Variants in GPR63 observed in about 807,000 individuals in gnomAD.
The protein encoded by GPR63 is probable G protein-coupled receptor 63.
A neutral mutation model predicts 23.1 loss-of-function variants in GPR63; 12 were observed. The ratio of observed to expected loss-of-function variants is 0.52; its 90% confidence interval spans 0.33 to 0.84. The LOEUF (loss-of-function observed/expected upper bound fraction) is 0.84. Among genes scored for constraint, GPR63 ranks in the 40% least tolerant of loss-of-function variants. The pLI is 0.02. For synonymous variants in GPR63, 172 were observed against 191.1 expected, an observed-to-expected ratio of 0.90 and a Z score of 0.82; for missense variants, 472 against 515.6, an observed-to-expected ratio of 0.92 and a Z score of 0.82.
intron 1 of GPR63, among the ~76,000 whole-genome samples, chr6:96,829,984 A>G (rs1177502489): frequency 6.6e-6 from 1 of 152,220 alleles, no homozygotes; most frequent in Non-Finnish European, 1.5e-5. Context: ...AAAACAAATT[A>G]CAGCTACAAA....
intron 1 of GPR63, among the ~76,000 whole-genome samples, chr6:96,801,919 C>G (rs1458999730): frequency 1.3e-5 from 2 of 152,160 alleles, no homozygotes; most frequent in African/African-American, 4.8e-5. Context: ...CACCATCAGC[C>G]TCTATAGAAG....
At chr6:96,804,223 C>T (rs542250886) in intron 1 of GPR63, among the ~76,000 whole-genome samples, 80 of 152,226 alleles carry the variant, frequency 5.3e-4, no homozygotes, top group Middle Eastern at 3.4e-3. Context: ...CTTAGTCTTA[C>T]CTGCCACTGG....
At chr6:96,815,706 T>C (rs1232248804) in intron 1 of GPR63, among the ~76,000 whole-genome samples, 2 of 152,216 alleles carry the variant, frequency 1.3e-5, no homozygotes, top group Non-Finnish European at 2.9e-5. Flanking sequence ...GATGTATATG[T>C]TAAATGTGTA....
rs559728985 is a variant in GPR63, at chr6:96,814,148, T to C, written c.-150-14267A>G. ...CCAACTTTATATCTAATACATACAA[T>C]ATTATATATGTATAAAACCTTAAGT... On this transcript the variant is annotated intron_variant, in intron 1 of 1. Coordinates refer to ENST00000229955, the MANE Select transcript of GPR63 (RefSeq NM_030784.4). Among the ~76,000 whole-genome samples the C allele has an allele frequency of 4.5e-4, 68 of 152,150 alleles. 1 individual carries two copies. The highest frequency in any genetic ancestry group is 7.4e-5 in the Non-Finnish European group (5 of 68,008).
In GPR63 at chr6:96,795,565, C is replaced by T. The variant is rs1773559285; in HGVS notation, c.*2907G>A. On this transcript the variant is annotated 3_prime_UTR_variant, in exon 2 of 2. Coordinates refer to ENST00000229955, the MANE Select transcript of GPR63 (RefSeq NM_030784.4). Reference sequence around the variant, plus strand: ...GTTCAGTGTTGCTGCTGAATTCTCACAAAGACCCCTTCATAATCTTTGTTC... The same window carrying T: ...GTTCAGTGTTGCTGCTGAATTCTCATAAAGACCCCTTCATAATCTTTGTTC... 6.6e-6 allele frequency: 1 copy of T among 152,198 alleles called. No homozygotes were observed. The highest frequency in any genetic ancestry group is 2.4e-5 in the African/African-American group (1 of 41,452). The allele number at this position is 152,198 out of a possible 1,614,324, so 9.4% of individuals were successfully genotyped here.
intron 1 of GPR63, among the ~76,000 whole-genome samples, chr6:96,830,184 A>G (rs1192268694): frequency 1.3e-5 from 2 of 152,178 alleles, no homozygotes; most frequent in Non-Finnish European, 2.9e-5. Flanking sequence ...TGTATTTCTT[A>G]ACTTTAGTAG....
At chr6:96,824,817 G>T (rs544281933) in intron 1 of GPR63, among the ~76,000 whole-genome samples, 8 of 152,032 alleles carry the variant, frequency 5.3e-5, no homozygotes, top group Non-Finnish European at 1.2e-4. Flanking sequence ...CACATAGTAA[G>T]ACACCTGCCA....
At chr6:96,808,504 C>A (rs1394102747) in intron 1 of GPR63, among the ~76,000 whole-genome samples, 1 of 152,200 alleles carries the variant, frequency 6.6e-6, no homozygotes, top group Non-Finnish European at 1.5e-5. Context: ...GAAAATTCTA[C>A]AATCCCAATA....
rs563079012 is a variant in GPR63, at chr6:96,798,581, T to C, written c.1151A>G (p.Asp384Gly). 1 of 1,614,196 alleles carries C rather than the reference T, an allele frequency of 6.2e-7. No individual in the cohort carries two copies. Among genetic ancestry groups the C allele is most frequent in the East Asian group, 2.2e-5 (1 of 44,880 alleles). ...RIKKFHDACL[D>G]MMPKSFKFLP... ...AAACTTGAAGGACTTAGGCATCATG[T>C]CCAGGCAAGCATCATGGAATTTCTT... The change falls in exon 2 of 2, where the codon GAC (aspartate) becomes GGC (glycine). Residue 384 changes from aspartate to glycine, a missense_variant. By Grantham distance (94) the Asp-to-Gly change is moderately conservative. Transcript: ENST00000229955.
In GPR63 at chr6:96,808,420, G is replaced by A. The variant is rs770076137; in HGVS notation, c.-150-8539C>T. Among the ~76,000 whole-genome samples, 133 of 152,142 alleles carry A rather than the reference G, an allele frequency of 8.7e-4. 1 individual carries two copies. Among genetic ancestry groups the A allele is most frequent in the Non-Finnish European group, 2.8e-4 (19 of 68,026 alleles). ...AAATACAATAAAGCTCCAAAGCAAC[G>A]AGATTAGTTTTCCCATGGGGTTGCT... On this transcript the variant is annotated intron_variant, in intron 1 of 1. Transcript: ENST00000229955.
chr6:96,829,109 A>C (rs1224914127), intron 1 of GPR63, among the ~76,000 whole-genome samples: 1 of 152,214 alleles, frequency 6.6e-6, no homozygotes, highest in African/African-American at 2.4e-5. Flanking sequence ...AAGAAGGATA[A>C]AGATTTAAAT....
intron 1 of GPR63, among the ~76,000 whole-genome samples, chr6:96,827,071 C>T (rs574880765): frequency 1.4e-5 from 2 of 138,886 alleles, no homozygotes; most frequent in Admixed American, 1.4e-4. Flanking sequence ...ACCACAAAAA[C>T]CTCAAAATAA....
At chr6:96,824,607 A>G (rs565064927) in intron 1 of GPR63, among the ~76,000 whole-genome samples, 1 of 151,522 alleles carries the variant, frequency 6.6e-6, no homozygotes, top group Non-Finnish European at 1.5e-5. Context: ...AAAAAAAAAA[A>G]GTCTTAAAAC....
rs1044610110 is a variant in GPR63, at chr6:96,794,329, T to C, written c.*4143A>G. 6.6e-6 allele frequency: 1 copy of C among 152,058 alleles called. No homozygotes were observed. Among genetic ancestry groups the C allele is most frequent in the African/African-American group, 2.4e-5 (1 of 41,430 alleles). The allele number at this position is 152,058 out of a possible 1,614,324, so 9.4% of individuals were successfully genotyped here. A position where few individuals can be genotyped will look rare whatever the true frequency, so the allele number is the denominator to read the frequency against. On this transcript the variant is annotated 3_prime_UTR_variant, in exon 2 of 2. Transcript: ENST00000229955. ...CTAGTACCAATAGATATCTAAGAAATGTATAATTTACCTCCAATAACAAAC... is the reference window on the plus strand; with the variant it reads ...CTAGTACCAATAGATATCTAAGAAACGTATAATTTACCTCCAATAACAAAC...
intron 1 of GPR63, 146 bp from the exon 2 acceptor site, chr6:96,800,027 C>G (rs1410675453): frequency 2.8e-6 from 1 of 361,682 alleles, no homozygotes. Flanking sequence ...GTAGTCAACA[C>G]TAAAATATCG....
intron 1 of GPR63, among the ~76,000 whole-genome samples, chr6:96,810,193 AATAAG>A (rs1203590590): frequency 6.6e-6 from 1 of 152,184 alleles, no homozygotes; most frequent in Admixed American, 6.5e-5. Context: ...AATACTCATC[AATAAG>A]ATAACAGTTA....
At chr6:96,835,085 T>C (rs1299294820) in intron 1 of GPR63, among the ~76,000 whole-genome samples, 2 of 152,216 alleles carry the variant, frequency 1.3e-5, no homozygotes, top group African/African-American at 2.4e-5. Context: ...GGCAGGGTAA[T>C]TCAATCCATT....
chr6:96,830,191 G>A (rs905012178), intron 1 of GPR63, among the ~76,000 whole-genome samples: 4 of 152,138 alleles, frequency 2.6e-5, no homozygotes, highest in Admixed American at 2.6e-4. Context: ...CTTAACTTTA[G>A]TAGTAAGTCC....
intron 1 of GPR63, among the ~76,000 whole-genome samples, chr6:96,836,492 T>C (rs1774731078): frequency 6.6e-6 from 1 of 152,202 alleles, no homozygotes; most frequent in South Asian, 2.1e-4. Flanking sequence ...ACTATAGGGA[T>C]GCCTGTATTC....
Sources: allele counts gnomAD v4.1 joint callset (sites outside exome capture counted in the v4.1 genomes callset), GRCh38; gene constraint gnomAD v4.1.1; transcripts MANE v1.5; gene names NCBI Gene and HGNC (gene_info 2026-07-23, HGNC 2026-07-21).